Variants in PARD3B observed in about 807,000 individuals in gnomAD.
The protein encoded by PARD3B is par-3 family cell polarity regulator beta.
A neutral mutation model predicts 130.2 loss-of-function variants in PARD3B; 103 were observed. That is an observed-to-expected ratio of 0.79 (90% confidence interval 0.67 to 0.93). PARD3B has a LOEUF of 0.93. Among genes scored for constraint, PARD3B ranks in the 40% least tolerant of loss-of-function variants. The probability of loss-of-function intolerance (pLI) is 0.00; values close to 1 mark genes in which losing one functional copy is unlikely to be tolerated. For missense variants in PARD3B, 1,609 were observed against 1,499.2 expected, an observed-to-expected ratio of 1.07 and a Z score of -1.21; for synonymous variants, 583 against 553.2, an observed-to-expected ratio of 1.05 and a Z score of -0.76.
chr2:204,976,343 C>T (rs1013532683), intron 3 of PARD3B, among the ~76,000 whole-genome samples: 1 of 152,132 alleles, frequency 6.6e-6, no homozygotes, highest in African/African-American at 2.4e-5. Context: ...GCATGATTTT[C>T]GGCAAGTTAC....
chr2:205,192,747 C>A (rs1179186614), intron 14 of PARD3B, among the ~76,000 whole-genome samples: 2 of 152,190 alleles, frequency 1.3e-5, no homozygotes, highest in Non-Finnish European at 2.9e-5. Context: ...CTCCTACAGG[C>A]ATCAGTCATT....
At chr2:204,971,563 TAGC>T (rs1357141155) in intron 3 of PARD3B, among the ~76,000 whole-genome samples, 1 of 152,222 alleles carries the variant, frequency 6.6e-6, no homozygotes, top group Non-Finnish European at 1.5e-5. Context: ...ATTCAAAAGT[TAGC>T]AGTTATAGAA....
intron 3 of PARD3B, among the ~76,000 whole-genome samples, chr2:205,000,728 T>C (rs1334791210): frequency 6.6e-6 from 1 of 152,214 alleles, no homozygotes; most frequent in East Asian, 1.9e-4. Context: ...CTTCCTATCA[T>C]GGGAGCAATT....
rs1243608758 is a variant in PARD3B, at chr2:205,300,905, A to T, written c.2392+169A>T. 6.6e-6 allele frequency among the ~76,000 whole-genome samples: 1 copy of T among 152,266 alleles called. No homozygotes were observed. Among genetic ancestry groups the T allele is most frequent in the Non-Finnish European group, 1.5e-5 (1 of 68,046 alleles). On this transcript the variant is annotated intron_variant, in intron 17 of 22. Coordinates refer to ENST00000406610, the MANE Select transcript of PARD3B (RefSeq NM_001302769.2). The surrounding 1 kb of genome is among the most constrained non-coding windows in gnomAD (Gnocchi z 4.1). ...ATATGTTTTGCCCTTTGGCTTAATGAACATGGAATTGGAGAACACAATATG... is the reference window on the plus strand; with the variant it reads ...ATATGTTTTGCCCTTTGGCTTAATGTACATGGAATTGGAGAACACAATATG...
At chr2:204,706,924 A>G (rs2038191660) in intron 2 of PARD3B, among the ~76,000 whole-genome samples, 1 of 152,214 alleles carries the variant, frequency 6.6e-6, no homozygotes, top group Non-Finnish European at 1.5e-5. Flanking sequence ...TGCCAAATGT[A>G]CAAAAAGATA....
chr2:204,693,132 C>T (rs539517289), intron 2 of PARD3B, among the ~76,000 whole-genome samples: 6 of 152,130 alleles, frequency 3.9e-5, no homozygotes, highest in African/African-American at 1.2e-4. Flanking sequence ...CTCCTAGTCT[C>T]CCAGACTTGA....
At chr2:205,528,970 T>G (rs59021483) in intron 21 of PARD3B, among the ~76,000 whole-genome samples, 2 of 152,136 alleles carry the variant, frequency 1.3e-5, no homozygotes, top group Non-Finnish European at 2.9e-5. Flanking sequence ...AGTCAATCTA[T>G]GTTTATGAAT....
At chr2:204,895,799 T>C (rs1025401050) in intron 2 of PARD3B, among the ~76,000 whole-genome samples, 5 of 152,158 alleles carry the variant, frequency 3.3e-5, no homozygotes, top group Admixed American at 1.3e-4. Context: ...TGAAAGAGTA[T>C]GTGCATGAAA....
chr2:204,872,984 T>A (rs956631407), intron 2 of PARD3B, among the ~76,000 whole-genome samples: 4 of 152,224 alleles, frequency 2.6e-5, no homozygotes, highest in African/African-American at 9.6e-5. Flanking sequence ...TGGTTCTTGA[T>A]TTGGCTTTAA....
At position 204,556,755 on chromosome 2, in the gene PARD3B, A is replaced by G. The variant is rs1242390044; in HGVS notation, c.120+10636A>G. Among the ~76,000 whole-genome samples, 3 of 152,186 alleles carry G rather than the reference A, an allele frequency of 2.0e-5. 1 individual carries two copies. Among genetic ancestry groups the G allele is most frequent in the Non-Finnish European group, 4.4e-5 (3 of 68,034 alleles). The stretch of plus-strand genomic sequence containing the variant: ...ACTCACATTTTGCTTAATTTGCATG[A>G]GTTTAAAAATATGTGTATAAACTTA... On this transcript the variant is annotated intron_variant, in intron 1 of 22. Transcript: ENST00000406610.
At chr2:205,147,292 T>A (rs1231417248) in intron 10 of PARD3B, among the ~76,000 whole-genome samples, 1 of 152,184 alleles carries the variant, frequency 6.6e-6, no homozygotes, top group Non-Finnish European at 1.5e-5. Context: ...TCACTAAACA[T>A]TGAATTTTCT....
chr2:205,036,593 G>A (rs181861100), intron 3 of PARD3B, among the ~76,000 whole-genome samples: 168 of 146,230 alleles, frequency 1.1e-3, no homozygotes, highest in African/African-American at 4.0e-3. Context: ...TATACACAGC[G>A]GACTGTATGT....
chr2:205,136,032 T>C (rs1280469068), intron 10 of PARD3B, among the ~76,000 whole-genome samples: 1 of 152,208 alleles, frequency 6.6e-6, no homozygotes, highest in Admixed American at 6.5e-5. Flanking sequence ...TGGCAGGATA[T>C]TCAATTATAA....
At chr2:205,028,688 G>A (rs1334079778) in intron 3 of PARD3B, among the ~76,000 whole-genome samples, 1 of 152,036 alleles carries the variant, frequency 6.6e-6, no homozygotes, top group Non-Finnish European at 1.5e-5. Flanking sequence ...AGAGCAATTA[G>A]GCAAGAAAAA....
chr2:205,411,564 G>C lies in PARD3B; in HGVS notation c.2741+10441G>C, dbSNP rs1404706598. Among the ~76,000 whole-genome samples the C allele has an allele frequency of 2.6e-5, 4 of 152,058 alleles. No individual in the cohort carries two copies. In the South Asian group the frequency reaches 6.2e-4, roughly 24 times the overall value. ...CACTGGTTCAGTCTAGGTGCTGACT[G>C]TTATTTTCTGACCTGCTTTGGGAAT... On this transcript the variant is annotated intron_variant, in intron 19 of 22. Coordinates refer to ENST00000406610, the MANE Select transcript of PARD3B (RefSeq NM_001302769.2).
At chr2:205,551,070 A>G (rs1478389638) in intron 21 of PARD3B, among the ~76,000 whole-genome samples, 1 of 150,252 alleles carries the variant, frequency 6.7e-6, no homozygotes, top group Admixed American at 6.7e-5. Context: ...CAGAATACTG[A>G]CTGCTATTAT....
Position 205,121,836 on chromosome 2 carries a change from AG to A in PARD3B, c.1053del (p.Ser352ValfsTer35). On this transcript the variant is annotated frameshift_variant, in exon 8 of 23. Coordinates refer to ENST00000406610, the MANE Select transcript of PARD3B (RefSeq NM_001302769.2). LOFTEE classifies it high-confidence loss of function. The surrounding 1 kb of genome is among the most constrained non-coding windows in gnomAD (Gnocchi z 5.0). ...GCATCAGCTTCCCTGCAACAAAACA[AG>A]AGTCCCCGAGTACCAAGGCTGGGAG... is the stretch of plus-strand genomic sequence containing the variant. ...TDASASLQQN[K>X]SPRVPRLGGK... The A allele has an allele frequency of 6.2e-7, 1 of 1,614,192 alleles. No individual in the cohort carries two copies. Among genetic ancestry groups the A allele is most frequent in the Non-Finnish European group, 8.5e-7 (1 of 1,180,018 alleles).
chr2:205,261,015 T>G (rs2040285204), intron 16 of PARD3B, among the ~76,000 whole-genome samples: 1 of 152,104 alleles, frequency 6.6e-6, no homozygotes, highest in African/African-American at 2.4e-5. Context: ...GCAAGTTTGC[T>G]TGCCTACCAT....
intron 21 of PARD3B, among the ~76,000 whole-genome samples, chr2:205,532,027 T>C (rs983773539): frequency 3.9e-5 from 6 of 152,188 alleles, no homozygotes; most frequent in Non-Finnish European, 8.8e-5. Flanking sequence ...TCAACACTTG[T>C]AGCAATAATC....
Sources: allele counts gnomAD v4.1 joint callset (sites outside exome capture counted in the v4.1 genomes callset), GRCh38; gene constraint gnomAD v4.1.1; non-coding constraint Gnocchi (gnomAD v3.1); transcripts MANE v1.5; gene names NCBI Gene and HGNC (gene_info 2026-07-23, HGNC 2026-07-21).